Variants in PCP4 observed in about 807,000 individuals in gnomAD.
The protein encoded by PCP4 is Purkinje cell protein 4, also known as calmodulin regulator protein PCP4.
PCP4 carries 8 observed loss-of-function variants against 10.0 expected under a neutral mutation model. The observed-to-expected ratio is 0.80, with a 90% CI of 0.47 to 1.45. The LOEUF is 1.45. PCP4 is among the 40% of genes most tolerant of loss of function. The pLI is 0.00. For missense variants in PCP4, 54 were observed against 74.4 expected (o/e 0.73, Z 1.01); for synonymous variants, 21 against 23.0 (o/e 0.91, Z 0.24).
At chr21:39,872,133 G>C (rs560912140) in intron 1 of PCP4, among the ~76,000 whole-genome samples, 1 of 152,066 alleles carries the variant, frequency 6.6e-6, no homozygotes, top group Admixed American at 6.5e-5. Context: ...TGAGTAGCTG[G>C]GACTATAGGC....
At chr21:39,874,407 C>A (rs566201247) in intron 1 of PCP4, among the ~76,000 whole-genome samples, 5 of 152,274 alleles carry the variant, frequency 3.3e-5, no homozygotes, top group Non-Finnish European at 7.4e-5. Context: ...CCTGGTATAA[C>A]AATCCAAGTC....
At chr21:39,917,189 A>G (rs1459791564) in intron 2 of PCP4, among the ~76,000 whole-genome samples, 2 of 152,244 alleles carry the variant, frequency 1.3e-5, no homozygotes, top group African/African-American at 4.8e-5. Flanking sequence ...GCGACACGAT[A>G]GATCTTTCTA....
At chr21:39,901,457 T>C (rs2087482113) in intron 2 of PCP4, among the ~76,000 whole-genome samples, 1 of 152,230 alleles carries the variant, frequency 6.6e-6, no homozygotes, top group African/African-American at 2.4e-5. Flanking sequence ...TGACATCCTA[T>C]TGGTCTTTCA....
intron 1 of PCP4, among the ~76,000 whole-genome samples, chr21:39,885,681 A>G (rs2087397149): frequency 6.6e-6 from 1 of 152,166 alleles, no homozygotes; most frequent in Admixed American, 6.5e-5. Flanking sequence ...TGCCCTGGGC[A>G]TCCCCCAAAG....
chr21:39,903,160 C>T (rs2087489009), intron 2 of PCP4, among the ~76,000 whole-genome samples: 1 of 152,168 alleles, frequency 6.6e-6, no homozygotes, highest in Non-Finnish European at 1.5e-5. Context: ...GGGAGCCTTC[C>T]AACCTGAAAA....
At chr21:39,926,161 A>T in intron 2 of PCP4, 1 of 426,612 alleles carries the variant, frequency 2.3e-6, no homozygotes, top group South Asian at 1.7e-5. Context: ...GGACTCTCTG[A>T]AGTATACAGA....
intron 2 of PCP4, among the ~76,000 whole-genome samples, chr21:39,913,069 C>T (rs1156931823): frequency 1.3e-5 from 2 of 152,138 alleles, no homozygotes; most frequent in Admixed American, 6.5e-5. Flanking sequence ...GCTACTTAGT[C>T]TAGAATGCCA....
intron 2 of PCP4, among the ~76,000 whole-genome samples, chr21:39,913,111 G>T (rs7275590): frequency 0.92 from 140,271 of 152,244 alleles, 64,815 homozygotes; most frequent in African/African-American, 0.98. Flanking sequence ...TTTAATTTTA[G>T]TATCTTTTTA....
chr21:39,927,728 G>T (rs979155056), intron 2 of PCP4, among the ~76,000 whole-genome samples: 1 of 152,172 alleles, frequency 6.6e-6, no homozygotes, highest in Non-Finnish European at 1.5e-5. Context: ...CCCAGGAGAG[G>T]TCAGTTCTGT....
intron 2 of PCP4, among the ~76,000 whole-genome samples, chr21:39,899,426 C>T (rs1483108046): frequency 2.0e-5 from 3 of 152,154 alleles, no homozygotes; most frequent in African/African-American, 4.8e-5. Flanking sequence ...TAATGCCAAT[C>T]TCAAATACCA....
chr21:39,895,438 A>G (rs1287283138), intron 1 of PCP4, among the ~76,000 whole-genome samples: 1 of 152,192 alleles, frequency 6.6e-6, no homozygotes, highest in East Asian at 1.9e-4. Context: ...CTTCAAACTC[A>G]AATCTTACTG....
intron 2 of PCP4, among the ~76,000 whole-genome samples, chr21:39,913,847 TG>T (rs1244866927): frequency 6.6e-6 from 1 of 152,190 alleles, no homozygotes; most frequent in Non-Finnish European, 1.5e-5. Context: ...TAAGAAGGCT[TG>T]TAATCCCTGG....
intron 1 of PCP4, among the ~76,000 whole-genome samples, chr21:39,874,000 A>C (rs2146324677): frequency 6.6e-6 from 1 of 152,360 alleles, no homozygotes; most frequent in South Asian, 2.1e-4. Context: ...TAGAAAAATC[A>C]ATCACCCACT....
chr21:39,877,480 A>G (rs953019242), intron 1 of PCP4, among the ~76,000 whole-genome samples: 3 of 151,766 alleles, frequency 2.0e-5, no homozygotes, highest in Non-Finnish European at 4.4e-5. Context: ...TAAGCCCAGG[A>G]GTTAGAGACC....
At chr21:39,927,283 T>G (rs143538168) in intron 2 of PCP4, among the ~76,000 whole-genome samples, 121 of 74,992 alleles carry the variant, frequency 1.6e-3, no homozygotes, top group Non-Finnish European at 2.8e-3. Context: ...CTCTCTGATC[T>G]ATCTATCTAT....
intron 2 of PCP4, among the ~76,000 whole-genome samples, chr21:39,915,258 A>G (rs774047224): frequency 1.3e-5 from 2 of 152,232 alleles, no homozygotes; most frequent in Non-Finnish European, 2.9e-5. Context: ...GGGATTTTTA[A>G]AGCATTAAAT....
At chr21:39,887,991 C>G (rs2087409019) in intron 1 of PCP4, among the ~76,000 whole-genome samples, 1 of 152,172 alleles carries the variant, frequency 6.6e-6, no homozygotes, top group Admixed American at 6.5e-5. Flanking sequence ...CAAAGATATG[C>G]GGATTCGTGT....
intron 1 of PCP4, among the ~76,000 whole-genome samples, chr21:39,870,941 G>A (rs1287650912): frequency 1.3e-5 from 2 of 152,208 alleles, no homozygotes; most frequent in East Asian, 3.9e-4. Flanking sequence ...GCAAGGCGAT[G>A]CCCATCAAAG....
chr21:39,879,348 T>A (rs1272157625), intron 1 of PCP4, among the ~76,000 whole-genome samples: 4 of 152,148 alleles, frequency 2.6e-5, no homozygotes, highest in Non-Finnish European at 5.9e-5. Flanking sequence ...AAATACCTCC[T>A]TCAAGTTCAT....
Sources: gnomAD v4.1 joint callset for allele counts (sites outside exome capture counted in the v4.1 genomes callset) on GRCh38, gnomAD v4.1.1 for gene constraint, MANE v1.5 for transcripts, NCBI Gene and HGNC (gene_info 2026-07-23, HGNC 2026-07-21) for gene names.